Variants in LINGO2 observed in about 807,000 individuals in gnomAD.
LINGO2 encodes the protein leucine-rich repeat and immunoglobulin-like domain-containing nogo receptor-interacting protein 2.
A neutral mutation model predicts 30.6 loss-of-function variants in LINGO2; 14 were observed. The observed-to-expected ratio is 0.46, with a 90% CI of 0.30 to 0.72. The LOEUF is 0.72. LINGO2 is among the 30% of genes least tolerant of loss of function. LINGO2 has a pLI of 0.07. For missense variants in LINGO2, 729 were observed against 751.7 expected (o/e 0.97, Z 0.35); for synonymous variants, 317 against 288.5 (o/e 1.10, Z -1.00).
At chr9:28,464,029 T>C (rs1437990115) in intron 2 of LINGO2, among the ~76,000 whole-genome samples, 1 of 152,188 alleles carries the variant, frequency 6.6e-6, no homozygotes, top group Non-Finnish European at 1.5e-5. Context: ...GTTTTCTGCA[T>C]ATTTATCAAG....
intron 4 of LINGO2, among the ~76,000 whole-genome samples, chr9:28,235,508 G>C (rs749506378): frequency 4.6e-5 from 7 of 152,130 alleles, no homozygotes; most frequent in Non-Finnish European, 1.0e-4. Context: ...AGGTACCAGG[G>C]ACAATCCTGG....
At chr9:28,993,292 T>C in the LINGO2 span, among the ~76,000 whole-genome samples, 1 of 152,052 alleles carries the variant, frequency 6.6e-6, no homozygotes, top group Non-Finnish European at 1.5e-5. Context: ...CCTCGACACA[T>C]ACACCCTCCC....
At chr9:28,305,760 C>T (rs1168406759) in intron 3 of LINGO2, among the ~76,000 whole-genome samples, 3 of 151,858 alleles carry the variant, frequency 2.0e-5, no homozygotes, top group African/African-American at 7.2e-5. Context: ...TGTGATTAGT[C>T]AGTTTGGGGT....
chr9:28,540,311 A>G (rs1821630871), intron 1 of LINGO2, among the ~76,000 whole-genome samples: 2 of 151,368 alleles, frequency 1.3e-5, no homozygotes, highest in Non-Finnish European at 2.9e-5. Context: ...CCAGGCTGGA[A>G]TACAGTGGCA....
chr9:28,059,861 G>A (rs745394062), intron 4 of LINGO2, among the ~76,000 whole-genome samples: 2 of 151,876 alleles, frequency 1.3e-5, no homozygotes, highest in Non-Finnish European at 2.9e-5. Context: ...AGAGCAGATT[G>A]CAGGAGGCCT....
the LINGO2 span, among the ~76,000 whole-genome samples, chr9:28,694,541 A>G: frequency 6.6e-6 from 1 of 151,966 alleles, no homozygotes; most frequent in African/African-American, 2.4e-5. Context: ...TACAACCTCA[A>G]AAATCCTTAC....
chr9:28,362,970 G>A (rs762452214), intron 3 of LINGO2, among the ~76,000 whole-genome samples: 1 of 152,140 alleles, frequency 6.6e-6, no homozygotes, highest in Non-Finnish European at 1.5e-5. Flanking sequence ...TATACATATG[G>A]TCAAAGTGTA....
intron 1 of LINGO2, among the ~76,000 whole-genome samples, chr9:28,547,832 C>T (rs1267384505): frequency 6.6e-6 from 1 of 152,034 alleles, no homozygotes; most frequent in African/African-American, 2.4e-5. Flanking sequence ...AAGCTGAAAC[C>T]AATGTCTTCA....
the LINGO2 span, among the ~76,000 whole-genome samples, chr9:28,990,362 T>C: frequency 6.6e-6 from 1 of 152,154 alleles, no homozygotes; most frequent in South Asian, 2.1e-4. Context: ...AAGCTCGAAC[T>C]GGGTGGAGCC....
intron 1 of LINGO2, among the ~76,000 whole-genome samples, chr9:28,643,487 T>C (rs1219011823): frequency 6.6e-6 from 1 of 151,906 alleles, no homozygotes; most frequent in Non-Finnish European, 1.5e-5. Context: ...GACATACATA[T>C]GCAGAATAAA....
intron 4 of LINGO2, among the ~76,000 whole-genome samples, chr9:28,204,651 T>C (rs1564041376): frequency 6.6e-6 from 1 of 152,168 alleles, no homozygotes; most frequent in Non-Finnish European, 1.5e-5. Flanking sequence ...TTCATCAAAG[T>C]ATCATTTGGA....
At chr9:29,080,670 C>T in the LINGO2 span, among the ~76,000 whole-genome samples, 3 of 152,068 alleles carry the variant, frequency 2.0e-5, no homozygotes, top group Non-Finnish European at 4.4e-5. Flanking sequence ...TTTCAAAGAA[C>T]ATCTTTATTT....
intron 4 of LINGO2, among the ~76,000 whole-genome samples, chr9:28,041,850 G>A (rs147558454): frequency 1.1e-4 from 17 of 152,106 alleles, no homozygotes; most frequent in East Asian, 1.9e-4. Context: ...TATAAACTCC[G>A]TAGTACCTGG....
intron 4 of LINGO2, among the ~76,000 whole-genome samples, chr9:28,283,091 G>GA (rs1433782993): frequency 1.3e-5 from 2 of 152,140 alleles, no homozygotes; most frequent in African/African-American, 4.8e-5. Flanking sequence ...GTGGTCCACA[G>GA]AACACACGCT....
At chr9:28,928,092 T>C in the LINGO2 span, among the ~76,000 whole-genome samples, 1 of 152,254 alleles carries the variant, frequency 6.6e-6, no homozygotes, top group Admixed American at 6.5e-5. Context: ...TTCACAAAGA[T>C]TTAGTCATTT....
chr9:29,075,673 G>A, the LINGO2 span, among the ~76,000 whole-genome samples: 31 of 152,204 alleles, frequency 2.0e-4, no homozygotes, highest in African/African-American at 7.5e-4. Flanking sequence ...AAATCCTGGT[G>A]TTTTAAGAGG....
At chr9:28,521,553 A>G (rs995815402) in intron 1 of LINGO2, among the ~76,000 whole-genome samples, 9 of 152,168 alleles carry the variant, frequency 5.9e-5, no homozygotes, top group African/African-American at 2.2e-4. Context: ...CTTCTGAAAA[A>G]TGTAGAATGA....
the LINGO2 span, among the ~76,000 whole-genome samples, chr9:28,763,647 A>C: frequency 1.3e-5 from 2 of 151,840 alleles, no homozygotes; most frequent in African/African-American, 4.8e-5. Context: ...AAAAAAATTA[A>C]ACTCAAAGTT....
At chr9:29,191,316 T>C in the LINGO2 span, among the ~76,000 whole-genome samples, 1 of 152,206 alleles carries the variant, frequency 6.6e-6, no homozygotes, top group Non-Finnish European at 1.5e-5. Context: ...AACTGTGAAC[T>C]TAAGAATTTC....
Sources: gnomAD v4.1 joint callset for allele counts (sites outside exome capture counted in the v4.1 genomes callset) on GRCh38, gnomAD v4.1.1 for gene constraint, MANE v1.5 for transcripts, NCBI Gene and HGNC (gene_info 2026-07-23, HGNC 2026-07-21) for gene names.